Variants in NTMT2 observed in about 807,000 individuals in gnomAD.
NTMT2 encodes the protein X-Pro-Lys N-terminal protein methyltransferase 1B.
NTMT2 carries 21 observed loss-of-function variants against 23.4 expected under a neutral mutation model. The ratio of observed to expected loss-of-function variants is 0.90; its 90% CI spans 0.64 to 1.29. NTMT2 has a LOEUF of 1.29. Ranked by LOEUF, NTMT2 falls within the 50% of genes most tolerant of loss-of-function variation. The probability of loss-of-function intolerance (pLI) is 0.00; values close to 1 mark genes in which losing one functional copy is unlikely to be tolerated. For synonymous variants in NTMT2, 131 were observed against 127.7 expected, an observed-to-expected ratio of 1.03 and a Z score of -0.17; for missense variants, 336 against 352.0, an observed-to-expected ratio of 0.95 and a Z score of 0.36.
chr1:170,162,135 C>CAAT (rs1673286408), intron 2 of NTMT2, among the ~76,000 whole-genome samples: 2 of 151,860 alleles, frequency 1.3e-5, no homozygotes, highest in Non-Finnish European at 2.9e-5. Flanking sequence ...AGCAAAGCAA[C>CAAT]AACAGAAAAG....
chr1:170,147,893 C>A (rs1337192732), intron 1 of NTMT2, among the ~76,000 whole-genome samples: 3 of 152,124 alleles, frequency 2.0e-5, no homozygotes, highest in Non-Finnish European at 4.4e-5. Context: ...TAGTCTCAAT[C>A]CCTTTTTTTG....
At chr1:170,163,351 G>A (rs1673309848) in intron 2 of NTMT2, among the ~76,000 whole-genome samples, 1 of 152,186 alleles carries the variant, frequency 6.6e-6, no homozygotes, top group Admixed American at 6.5e-5. Context: ...ACTTATTCTT[G>A]TGTCAACTGC....
intron 1 of NTMT2, among the ~76,000 whole-genome samples, chr1:170,150,408 C>T (rs1166666451): frequency 6.6e-6 from 1 of 152,180 alleles, no homozygotes; most frequent in African/African-American, 2.4e-5. Flanking sequence ...CATATATTAT[C>T]TCAGTTCATT....
intron 1 of NTMT2, among the ~76,000 whole-genome samples, chr1:170,148,498 A>C (rs1484966211): frequency 6.6e-6 from 1 of 151,994 alleles, no homozygotes; most frequent in Non-Finnish European, 1.5e-5. Flanking sequence ...ACTTATTTGC[A>C]GCTTTCCATA....
At chr1:170,166,333 G>C (rs1673385244) in intron 2 of NTMT2, among the ~76,000 whole-genome samples, 169 bp from the exon 3 acceptor site, 1 of 147,716 alleles carries the variant, frequency 6.8e-6, no homozygotes, top group Non-Finnish European at 1.5e-5. Flanking sequence ...AGTAGAGACG[G>C]GGTTTCACCG....
chr1:170,163,248 G>A (rs924945663), intron 2 of NTMT2, among the ~76,000 whole-genome samples: 5 of 152,148 alleles, frequency 3.3e-5, no homozygotes, highest in African/African-American at 1.2e-4. Context: ...TTTAAGGACT[G>A]ATATTTTGGT....
At chr1:170,159,675 A>T (rs1195644523) in intron 1 of NTMT2, among the ~76,000 whole-genome samples, 1 of 152,144 alleles carries the variant, frequency 6.6e-6, no homozygotes, top group Non-Finnish European at 1.5e-5. Context: ...GAGGGAGAGA[A>T]GACAAATGCA....
chr1:170,166,151 T>TTC (rs1335621670), intron 2 of NTMT2, among the ~76,000 whole-genome samples: 1 of 141,318 alleles, frequency 7.1e-6, no homozygotes, highest in Non-Finnish European at 1.5e-5. Flanking sequence ...TTTTTTTTTT[T>TTC]TTTTTTGAGA....
At chr1:170,156,999 T>C (rs1475278851) in intron 1 of NTMT2, among the ~76,000 whole-genome samples, 1 of 152,062 alleles carries the variant, frequency 6.6e-6, no homozygotes, top group African/African-American at 2.4e-5. Flanking sequence ...GGCTTGCCAA[T>C]AATCCCAGAG....
rs1248519209 is a variant in NTMT2 at position 170,168,138 on chromosome 1, TTTTG to T, written c.*385_*388del. Among the ~76,000 whole-genome samples the T allele has an allele frequency of 6.6e-6, 1 of 151,652 alleles. No homozygotes were observed. The highest frequency in any genetic ancestry group is 1.5e-5 in the Non-Finnish European group (1 of 67,904). On this transcript the variant is annotated 3_prime_UTR_variant, in exon 4 of 4. Transcript: ENST00000439373. Reference sequence around the variant, plus strand: ...TCCTAGACAAAAATGGTGGTTTTTTTTTTGTTTTTCCATCACAAGATGAAATCAG... The same window carrying T: ...TCCTAGACAAAAATGGTGGTTTTTTTTTTTTCCATCACAAGATGAAATCAG...
intron 1 of NTMT2, among the ~76,000 whole-genome samples, chr1:170,156,532 A>T (rs925183678): frequency 2.0e-5 from 3 of 152,114 alleles, no homozygotes; most frequent in Non-Finnish European, 2.9e-5. Flanking sequence ...TAAATAAAAA[A>T]CAAATAGTGT....
chr1:170,155,628 T>A (rs961360478), intron 1 of NTMT2, among the ~76,000 whole-genome samples: 20 of 152,094 alleles, frequency 1.3e-4, no homozygotes, highest in Admixed American at 2.0e-4. Context: ...TCTGAAGAAT[T>A]TTAGATCATT....
At position 170,146,227 on chromosome 1, in the gene NTMT2, G is replaced by C; in HGVS notation, c.120G>C (p.Gln40His). 6.4e-7 allele frequency: 1 copy of C among 1,550,540 alleles called. No individual in the cohort carries two copies. Among genetic ancestry groups the C allele is most frequent in the Non-Finnish European group, 8.7e-7 (1 of 1,146,802 alleles). The stretch of plus-strand genomic sequence containing the variant: ...AAGCCATTCGCAATGACTTCTTTCA[G>C]AGCTATCTCTACCTGCTGGAAAAAA... ...LHKAIRNDFF[Q>H]SYLYLLEKIP... Residue 40 changes from glutamine to histidine, a missense_variant, in exon 1 of 4, where the codon CAG becomes CAC. Gln to His is a conservative substitution (Grantham distance 24). Transcript: ENST00000439373.
chr1:170,167,514 A>G lies in NTMT2; in HGVS notation c.609A>G (p.Ala203=), dbSNP rs200874540. ...SGHLTDKDLL[A]FLSRCRDGLK... ...ACCTGACTGATAAGGACCTTCTTGC[A>G]TTTCTTTCCCGGTGCCGAGATGGCC... The change falls in exon 4 of 4, where the codon GCA becomes GCG. Residue 203 remains alanine, a synonymous_variant. Coordinates refer to ENST00000439373, the MANE Select transcript of NTMT2 (RefSeq NM_001136107.2). The G allele has an allele frequency of 1.2e-4, 179 of 1,551,222 alleles. No homozygotes were observed. Among genetic ancestry groups the G allele is most frequent in the Admixed American group, 7.8e-5 (4 of 50,968 alleles).
chr1:170,166,121 CTTTCTTTTTTTTTTT>C (rs1412025040), intron 2 of NTMT2, among the ~76,000 whole-genome samples: 14 of 102,148 alleles, frequency 1.4e-4, no homozygotes, highest in East Asian at 6.1e-4. Context: ...GTGCAATTTT[CTTTCTTTTTTTTTTT>C]TTTCTTTTTT....
At chr1:170,158,145 A>G (rs1673201301) in intron 1 of NTMT2, 1 of 152,076 alleles carries the variant, frequency 6.6e-6, no homozygotes, top group South Asian at 2.1e-4. Flanking sequence ...ATTTGACTGG[A>G]TATGAAGTTT....
chr1:170,160,839 C>A, intron 2 of NTMT2, 146 bp downstream of exon 2: 1 of 627,374 alleles, frequency 1.6e-6, no homozygotes, highest in Non-Finnish European at 2.6e-6. Flanking sequence ...TTAAGATGTT[C>A]AGAAAGGATG....
intron 1 of NTMT2, 113 bp from the exon 2 acceptor site, chr1:170,160,405 C>T (rs1023662114): frequency 4.2e-6 from 4 of 960,256 alleles, no homozygotes; most frequent in Non-Finnish European, 5.8e-6. Flanking sequence ...CAAACCAGTG[C>T]TCTTTTTGCC....
intron 2 of NTMT2, 93 bp from the exon 3 acceptor site, chr1:170,166,409 G>A: frequency 7.2e-7 from 1 of 1,390,798 alleles, no homozygotes; most frequent in South Asian, 1.3e-5. Context: ...CCAAAGTGCT[G>A]GGATTACAAG....
Sources: allele counts gnomAD v4.1 joint callset (sites outside exome capture counted in the v4.1 genomes callset), GRCh38; gene constraint gnomAD v4.1.1; transcripts MANE v1.5; gene names NCBI Gene and HGNC (gene_info 2026-07-23, HGNC 2026-07-21).